The following BCR variants were observed in gnomAD, a reference collection of about 807,000 sequenced individuals.
BCR encodes the protein breakpoint cluster region protein.
In BCR, 58 loss-of-function variants were observed where a neutral mutation model predicts 138.6. The ratio of observed to expected loss-of-function variants is 0.42; its 90% CI spans 0.34 to 0.52. The LOEUF (loss-of-function observed/expected upper bound fraction) is 0.52, where lower values mean the gene tolerates loss of function less well. Ranked by LOEUF, BCR falls within the 20% of genes least tolerant of loss-of-function variation. The pLI is 0.06. For missense variants in BCR, 1,599 were observed against 1,727.2 expected (o/e 0.93, Z 1.32); for synonymous variants, 786 against 730.1 (o/e 1.08, Z -1.23).
At chr22:23,221,918 T>C (rs1415749290) in intron 1 of BCR, among the ~76,000 whole-genome samples, 1 of 152,090 alleles carries the variant, frequency 6.6e-6, no homozygotes, top group Non-Finnish European at 1.5e-5. Flanking sequence ...GTTGAAACCC[T>C]GTTTTTACTG....
chr22:23,195,829 A>G (rs1358473110), intron 1 of BCR, among the ~76,000 whole-genome samples: 2 of 152,254 alleles, frequency 1.3e-5, no homozygotes, highest in Non-Finnish European at 2.9e-5. Flanking sequence ...CGGAGGTTGC[A>G]GTGAACCGAG....
At chr22:23,304,144 T>A (rs1448745447) in intron 16 of BCR, among the ~76,000 whole-genome samples, 1 of 143,422 alleles carries the variant, frequency 7.0e-6, no homozygotes, top group Non-Finnish European at 1.5e-5. Flanking sequence ...CTTGTTTTGC[T>A]GCCCAAGCTG....
chr22:23,287,373 A>G, intron 11 of BCR, 95 bp downstream of exon 11: 1 of 1,432,840 alleles, frequency 7.0e-7, no homozygotes. Context: ...GATGCGCCCC[A>G]CTCTGAGAGA....
intron 1 of BCR, among the ~76,000 whole-genome samples, chr22:23,214,056 A>C (rs553532910): frequency 6.6e-6 from 1 of 151,822 alleles, no homozygotes; most frequent in African/African-American, 2.4e-5. Flanking sequence ...TGAGGTGTGC[A>C]AAAAAAAGCA....
chr22:23,289,639 C>G lies in BCR; in HGVS notation c.2707+18C>G. On this transcript the variant is annotated intron_variant, in intron 13 of 22. Transcript: ENST00000305877. ...TAAGGAAGGTGGGCCCCCCCGTTTC[C>G]GTGTACAGGGCACCTGCAGGGAGGG... 1.2e-6 allele frequency: 2 copies of G among 1,601,042 alleles called. No individual in the cohort carries two copies. The highest frequency in any genetic ancestry group is 1.7e-6 in the Non-Finnish European group (2 of 1,168,452).
intron 1 of BCR, among the ~76,000 whole-genome samples, chr22:23,200,592 C>T (rs1216418569): frequency 6.6e-6 from 1 of 152,112 alleles, no homozygotes; most frequent in African/African-American, 2.4e-5. Context: ...AGGTCTCACT[C>T]TGTCGCCCAG....
At chr22:23,251,887 A>G (rs567304088) in intron 1 of BCR, among the ~76,000 whole-genome samples, 2 of 152,136 alleles carry the variant, frequency 1.3e-5, no homozygotes, top group African/African-American at 4.8e-5. Flanking sequence ...TTGTGGGTTG[A>G]CAGTGGTCAT....
chr22:23,196,475 T>A (rs569685488), intron 1 of BCR, among the ~76,000 whole-genome samples: 1 of 152,128 alleles, frequency 6.6e-6, no homozygotes, highest in African/African-American at 2.4e-5. Context: ...AGGCAGGGAA[T>A]GTGGGCAAGA....
intron 1 of BCR, among the ~76,000 whole-genome samples, chr22:23,220,331 G>A (rs1358874815): frequency 1.3e-5 from 2 of 152,196 alleles, no homozygotes; most frequent in African/African-American, 4.8e-5. Flanking sequence ...GAGGAGGGGT[G>A]AATGACTTAT....
At chr22:23,250,725 T>G (rs762180809) in intron 1 of BCR, among the ~76,000 whole-genome samples, 1 of 152,168 alleles carries the variant, frequency 6.6e-6, no homozygotes, top group Non-Finnish European at 1.5e-5. Context: ...CATTGTCTAG[T>G]TCACATGCAT....
At chr22:23,256,640 C>A (rs1003317958) in intron 2 of BCR, among the ~76,000 whole-genome samples, 1 of 152,138 alleles carries the variant, frequency 6.6e-6, no homozygotes. Context: ...CAGCCTGCCC[C>A]TCGCAGTAAG....
At chr22:23,292,477 TACAG>T in intron 14 of BCR, 60 bp from the exon 15 acceptor site, 1 of 1,184,034 alleles carries the variant, frequency 8.4e-7, no homozygotes. Context: ...CACCTGCTCT[TACAG>T]ACCATGTGGG....
chr22:23,305,113 TAAAA>T (rs131687), intron 16 of BCR, among the ~76,000 whole-genome samples: 197 of 141,362 alleles, frequency 1.4e-3, no homozygotes, highest in South Asian at 2.5e-3. Flanking sequence ...GACTCCGCCT[TAAAA>T]AAAAAAAAAA....
chr22:23,227,450 C>T (rs1164388254), intron 1 of BCR, among the ~76,000 whole-genome samples: 3 of 152,188 alleles, frequency 2.0e-5, no homozygotes, highest in African/African-American at 4.8e-5. Context: ...GAATTGCAGC[C>T]ATCCTGTAGG....
At position 23,313,978 on chromosome 22, in the gene BCR, C is replaced by A; in HGVS notation, c.3468C>A (p.Asp1156Glu). The part of the protein sequence containing the change: ...PNFAEGIALS[D>E]PVAKESCMLN... ...CACCGCCTTCTGCAGCTCTTTCAGA[C>A]CCGGTTGCAAAGGAGAGCTGCATGC... Residue 1156 changes from aspartate to glutamate, a missense_variant, in exon 21 of 23, where the codon GAC becomes GAA. This residue lies in a region of BCR where 177 missense variants were observed against 226.4 expected (regional missense o/e 0.78). Transcript: ENST00000305877. 1.2e-6 allele frequency: 2 copies of A among 1,613,928 alleles called. No homozygotes were observed. The highest frequency in any genetic ancestry group is 2.7e-5 in the African/African-American group (2 of 75,028).
At chr22:23,245,352 A>G (rs543572271) in intron 1 of BCR, among the ~76,000 whole-genome samples, 1 of 151,886 alleles carries the variant, frequency 6.6e-6, no homozygotes, top group African/African-American at 2.4e-5. Flanking sequence ...CTGATTCATG[A>G]CCCTGACCTC....
chr22:23,207,260 A>G (rs1447465251), intron 1 of BCR, among the ~76,000 whole-genome samples: 1 of 152,158 alleles, frequency 6.6e-6, no homozygotes, highest in Non-Finnish European at 1.5e-5. Flanking sequence ...GTGAGTACCA[A>G]CCAGGCACTG....
chr22:23,313,595 C>G (rs1300786042), intron 20 of BCR, among the ~76,000 whole-genome samples: 5 of 152,200 alleles, frequency 3.3e-5, no homozygotes, highest in Admixed American at 6.5e-5. Flanking sequence ...CACTTCCCAC[C>G]TCCTTGTGTT....
intron 1 of BCR, among the ~76,000 whole-genome samples, chr22:23,184,786 TC>T (rs2072318927): frequency 6.6e-6 from 1 of 152,176 alleles, no homozygotes. Flanking sequence ...CTGACGTGGG[TC>T]CATGTATGGC....
Sources: gnomAD v4.1 joint callset for allele counts (sites outside exome capture counted in the v4.1 genomes callset) on GRCh38, gnomAD v4.1.1 for gene constraint, gnomAD v4.1.1 regional missense constraint, MANE v1.5 for transcripts, NCBI Gene and HGNC (gene_info 2026-07-23, HGNC 2026-07-21) for gene names.